The following MARCHF11 variants were observed in gnomAD, a reference collection of about 807,000 sequenced individuals.
The protein encoded by MARCHF11 is membrane associated ring-CH-type finger 11.
Under a neutral mutation model 37.3 loss-of-function variants are expected in MARCHF11, and 29 were observed. That is an observed-to-expected ratio of 0.78 (90% CI 0.58 to 1.06). The LOEUF (loss-of-function observed/expected upper bound fraction) is 1.06. MARCHF11 is among the 50% of genes least tolerant of loss of function. The probability of loss-of-function intolerance (pLI) is 0.00; values close to 1 mark genes in which losing one functional copy is unlikely to be tolerated. For missense variants in MARCHF11, 482 were observed against 533.4 expected, an observed-to-expected ratio of 0.90 and a Z score of 0.95; for synonymous variants, 233 against 228.0, an observed-to-expected ratio of 1.02 and a Z score of -0.20.
chr5:16,161,987 CTTG>C (rs1738086094), intron 2 of MARCHF11, among the ~76,000 whole-genome samples: 1 of 151,932 alleles, frequency 6.6e-6, no homozygotes, highest in Non-Finnish European at 1.5e-5. Flanking sequence ...TTATTTTTCA[CTTG>C]TTGTATTATC....
chr5:16,103,136 A>G lies in MARCHF11; in HGVS notation c.694-12055T>C, dbSNP rs149055105. Among the ~76,000 whole-genome samples the G allele has an allele frequency of 1.3e-3, 193 of 152,234 alleles. 4 individuals are homozygous for G. The highest frequency in any genetic ancestry group is 4.4e-3 in the African/African-American group (181 of 41,554). ...GAAAAAAAAAAAACAAAACTCCACA[A>G]AAGTCTAAAAATCACAATACAGCTT... On this transcript the variant is annotated intron_variant, in intron 2 of 3. Transcript: ENST00000332432.
intron 2 of MARCHF11, among the ~76,000 whole-genome samples, chr5:16,096,096 A>G (rs541105963): frequency 6.6e-6 from 1 of 151,946 alleles, no homozygotes; most frequent in African/African-American, 2.4e-5. Context: ...CTCTCTGCCT[A>G]CTCTCTCTGC....
At chr5:16,165,937 C>T (rs1051478108) in intron 2 of MARCHF11, among the ~76,000 whole-genome samples, 11 of 152,080 alleles carry the variant, frequency 7.2e-5, no homozygotes, top group Admixed American at 4.6e-4. Context: ...ATTTGGGAGG[C>T]GAGAATTCTA....
Position 16,117,769 on chromosome 5 carries a change from C to T in MARCHF11, c.694-26688G>A, listed in dbSNP as rs1737245376. On this transcript the variant is annotated intron_variant, in intron 2 of 3. Coordinates refer to ENST00000332432, the MANE Select transcript of MARCHF11 (RefSeq NM_001102562.3). ...AACTGTCTTCCAAAATAACCTACGA[C>T]ATAAAATTTACTCGCTTATCCTATA... Among the ~76,000 whole-genome samples the T allele has an allele frequency of 2.0e-5, 3 of 152,318 alleles. 1 individual carries two copies. The South Asian group carries it at 6.2e-4, about 32-fold the overall frequency.
rs373013501 is a variant in MARCHF11 at position 16,114,720 on chromosome 5, G to C, written c.694-23639C>G. ...GCCCAGGCTGGTCTCGAACGCCTGAGCTCAAACGATCCTTCCACCCTGGCC... is the reference window on the plus strand; with the variant it reads ...GCCCAGGCTGGTCTCGAACGCCTGACCTCAAACGATCCTTCCACCCTGGCC... On this transcript the variant is annotated intron_variant, in intron 2 of 3. Transcript: ENST00000332432. 3.3e-5 allele frequency among the ~76,000 whole-genome samples: 5 copies of C among 151,898 alleles called. 1 individual carries two copies. The highest frequency in any genetic ancestry group is 1.9e-4 in the East Asian group (1 of 5,140).
rs909178369 is a variant in MARCHF11, at chr5:16,096,832, T to C, written c.694-5751A>G. On this transcript the variant is annotated intron_variant, in intron 2 of 3. Coordinates refer to ENST00000332432, the MANE Select transcript of MARCHF11 (RefSeq NM_001102562.3). Reference sequence around the variant, plus strand: ...ATTTAGAAAAAGGTGGACCTTTCTGTTGTCTGAAAGAGTTAATAAACCTTC... The same window carrying C: ...ATTTAGAAAAAGGTGGACCTTTCTGCTGTCTGAAAGAGTTAATAAACCTTC... 2.0e-5 allele frequency among the ~76,000 whole-genome samples: 3 copies of C among 152,210 alleles called. No homozygotes were observed. The East Asian group carries it at 5.8e-4, about 29-fold the overall frequency.
intron 2 of MARCHF11, among the ~76,000 whole-genome samples, chr5:16,155,517 C>T (rs1013661779): frequency 6.6e-6 from 1 of 151,568 alleles, no homozygotes; most frequent in African/African-American, 2.4e-5. Context: ...TATATTTACC[C>T]CCAACTCCCA....
chr5:16,140,661 G>C (rs960909204), intron 2 of MARCHF11, among the ~76,000 whole-genome samples: 1 of 152,030 alleles, frequency 6.6e-6, no homozygotes, highest in African/African-American at 2.4e-5. Context: ...TGCACACAAG[G>C]AAACCACAAA....
intron 2 of MARCHF11, among the ~76,000 whole-genome samples, chr5:16,147,131 G>C (rs993012838): frequency 3.3e-5 from 5 of 152,238 alleles, no homozygotes; most frequent in African/African-American, 1.2e-4. Flanking sequence ...ACTGCATTTA[G>C]AGGCAGGCAC....
chr5:16,112,327 A>C (rs10055215), intron 2 of MARCHF11, among the ~76,000 whole-genome samples: 39,604 of 151,900 alleles, frequency 0.26, 6,249 homozygotes, highest in African/African-American at 0.45. Context: ...GCCACAGGGA[A>C]AGAGCCGACC....
chr5:16,124,889 A>T (rs1737376169), intron 2 of MARCHF11, among the ~76,000 whole-genome samples: 1 of 151,404 alleles, frequency 6.6e-6, no homozygotes, highest in African/African-American at 2.4e-5. Flanking sequence ...AGAATATGTA[A>T]ATCCATACTT....
At chr5:16,178,946 G>A (rs1560997647) in intron 1 of MARCHF11, 93 bp downstream of exon 1, 5 of 1,318,400 alleles carry the variant, frequency 3.8e-6, no homozygotes, top group East Asian at 6.3e-5. Flanking sequence ...GAGGCAAACT[G>A]GGAGGTAGGC....
chr5:16,093,694 A>G (rs991548577), intron 2 of MARCHF11, among the ~76,000 whole-genome samples: 8 of 152,208 alleles, frequency 5.3e-5, no homozygotes. Context: ...CAGCAAATTT[A>G]AATTTGTGTA....
intron 1 of MARCHF11, 125 bp from the exon 2 acceptor site, chr5:16,178,006 A>G: frequency 3.3e-6 from 3 of 898,424 alleles, no homozygotes; most frequent in Non-Finnish European, 4.7e-6. Flanking sequence ...ATCATAGGAA[A>G]TGAAATTAAA....
intron 2 of MARCHF11, among the ~76,000 whole-genome samples, chr5:16,094,305 A>G (rs531830847): frequency 1.3e-5 from 2 of 152,312 alleles, no homozygotes; most frequent in South Asian, 4.1e-4. Context: ...TTCAGCCTGA[A>G]GGAGCTGTGT....
intron 2 of MARCHF11, among the ~76,000 whole-genome samples, chr5:16,107,189 C>A (rs1737058432): frequency 6.6e-6 from 1 of 152,190 alleles, no homozygotes; most frequent in Non-Finnish European, 1.5e-5. Context: ...ACCTTATAAG[C>A]AACTTTACTT....
intron 2 of MARCHF11, among the ~76,000 whole-genome samples, chr5:16,094,067 A>G (rs2126558954): frequency 6.6e-6 from 1 of 152,318 alleles, no homozygotes; most frequent in South Asian, 2.1e-4. Flanking sequence ...CATTACTGAA[A>G]CCAAAATTAC....
intron 3 of MARCHF11, among the ~76,000 whole-genome samples, chr5:16,089,978 G>A (rs1736764783): frequency 6.6e-6 from 1 of 152,176 alleles, no homozygotes. Flanking sequence ...GCTGAAGCTG[G>A]TAGTCCTCAA....
At position 16,067,793 on chromosome 5, in the gene MARCHF11, C is replaced by A. The variant is rs775850865; in HGVS notation, c.887G>T (p.Gly296Val). Residue 296 changes from glycine (G) to valine (V), a missense_variant and splice_region_variant, in exon 4 of 4, where the codon GGT becomes GTT. Coordinates refer to ENST00000332432, the MANE Select transcript of MARCHF11 (RefSeq NM_001102562.3). ...MYGFMDLVCI[G>V]LIVHEGAAVY... Reference sequence around the variant, plus strand: ...TGCAGCTCCTTCATGAACAATGAGACCTAAAATTTGAGAAAATAAAAAACC... The same window carrying A: ...TGCAGCTCCTTCATGAACAATGAGAACTAAAATTTGAGAAAATAAAAAACC... 1 of 1,598,082 alleles carries A rather than the reference C, an allele frequency of 6.3e-7. No individual in the cohort carries two copies. The highest frequency in any genetic ancestry group is 8.5e-7 in the Non-Finnish European group (1 of 1,171,998).
Sources: allele counts gnomAD v4.1 joint callset (sites outside exome capture counted in the v4.1 genomes callset), GRCh38; gene constraint gnomAD v4.1.1; transcripts MANE v1.5; gene names NCBI Gene and HGNC (gene_info 2026-07-23, HGNC 2026-07-21).